Variants in SLC24A3 observed in about 807,000 individuals in gnomAD.
The protein encoded by SLC24A3 is sodium/potassium/calcium exchanger 3.
In SLC24A3, 28 loss-of-function variants were observed where a neutral mutation model predicts 75.8. That is an observed-to-expected ratio of 0.37 (90% CI 0.27 to 0.51). SLC24A3 has a LOEUF of 0.51. SLC24A3 is among the 20% of genes least tolerant of loss of function. The probability of loss-of-function intolerance (pLI) is 0.94; values close to 1 mark genes in which losing one functional copy is unlikely to be tolerated. For synonymous variants in SLC24A3, 372 were observed against 334.1 expected (o/e 1.11, Z -1.24); for missense variants, 663 against 847.8 (o/e 0.78, Z 2.71).
intron 3 of SLC24A3, among the ~76,000 whole-genome samples, chr20:19,565,404 G>A (rs6136777): frequency 2.5e-4 from 19 of 76,474 alleles, no homozygotes; most frequent in Non-Finnish European, 4.2e-4. Flanking sequence ...TTGTGTTCTC[G>A]GGGGGTGGGG....
At chr20:19,707,558 C>A (rs2032943917) in intron 15 of SLC24A3, among the ~76,000 whole-genome samples, 1 of 152,180 alleles carries the variant, frequency 6.6e-6, no homozygotes. Context: ...ACACTGGATG[C>A]TCTTTCTAAA....
In SLC24A3 at chr20:19,569,847, A is replaced by G. The variant is rs142339910; in HGVS notation, c.349-10153A>G. Among the ~76,000 whole-genome samples the G allele has an allele frequency of 6.9e-4, 105 of 152,248 alleles. 1 individual carries two copies. In the East Asian group the frequency reaches 0.02, roughly 29 times the overall value. On this transcript the variant is annotated intron_variant, in intron 3 of 16. Transcript: ENST00000328041. Reference sequence around the variant, plus strand: ...TTATTAGGCTCTGGGGGTCTCCACCATCTTTGCTGGTTCCCCTAACCCTGA... The same window carrying G: ...TTATTAGGCTCTGGGGGTCTCCACCGTCTTTGCTGGTTCCCCTAACCCTGA...
At chr20:19,368,966 A>G (rs1801985093) in intron 2 of SLC24A3, among the ~76,000 whole-genome samples, 1 of 152,232 alleles carries the variant, frequency 6.6e-6, no homozygotes, top group Non-Finnish European at 1.5e-5. Context: ...TGAATGAATG[A>G]ACAAGATGAG....
chr20:19,691,876 G>T (rs560239767), intron 12 of SLC24A3, among the ~76,000 whole-genome samples: 2 of 152,156 alleles, frequency 1.3e-5, no homozygotes, highest in Non-Finnish European at 2.9e-5. Context: ...AAACTGAGGT[G>T]TAGAGAGTTT....
intron 3 of SLC24A3, among the ~76,000 whole-genome samples, chr20:19,538,320 A>T (rs1200272608): frequency 6.6e-6 from 1 of 152,218 alleles, no homozygotes; most frequent in Non-Finnish European, 1.5e-5. Context: ...ACAGACCAGG[A>T]TGGAAGCTGG....
chr20:19,248,389 A>C (rs1263606788), intron 1 of SLC24A3, among the ~76,000 whole-genome samples: 1 of 152,256 alleles, frequency 6.6e-6, no homozygotes, highest in Non-Finnish European at 1.5e-5. Flanking sequence ...ATGGTTTTGT[A>C]AACTTTAACA....
At position 19,328,798 on chromosome 20, in the gene SLC24A3, G is replaced by T. The variant is rs142382026; in HGVS notation, c.271+47711G>T. On this transcript the variant is annotated intron_variant, in intron 2 of 16. Transcript: ENST00000328041. ...GCAGGTCAAGGCTGGAGATACCAAG[G>T]GGGGACTGGGAGGAAGACAGAAGCT... Among the ~76,000 whole-genome samples, 676 of 152,292 alleles carry T rather than the reference G, an allele frequency of 4.4e-3. 4 individuals carry two copies. Among genetic ancestry groups the T allele is most frequent in the African/African-American group, 0.016 (652 of 41,536 alleles).
intron 2 of SLC24A3, among the ~76,000 whole-genome samples, chr20:19,512,272 T>G (rs2029898277): frequency 6.6e-6 from 1 of 152,138 alleles, no homozygotes; most frequent in Non-Finnish European, 1.5e-5. Flanking sequence ...TTGCTGAGCC[T>G]CCAAGGAAGG....
At chr20:19,364,638 A>T (rs1310791791) in intron 2 of SLC24A3, among the ~76,000 whole-genome samples, 1 of 152,036 alleles carries the variant, frequency 6.6e-6, no homozygotes, top group Non-Finnish European at 1.5e-5. Context: ...TATTTTTTGT[A>T]GACGTGGGGT....
intron 1 of SLC24A3, among the ~76,000 whole-genome samples, chr20:19,270,823 A>G (rs1210482712): frequency 6.6e-6 from 1 of 151,988 alleles, no homozygotes; most frequent in East Asian, 1.9e-4. Flanking sequence ...AGAGAGAGAG[A>G]GATACTAGAA....
intron 6 of SLC24A3, among the ~76,000 whole-genome samples, chr20:19,587,532 G>A (rs1214804547): frequency 6.6e-6 from 1 of 152,218 alleles, no homozygotes; most frequent in African/African-American, 2.4e-5. Flanking sequence ...GACTCTGGAT[G>A]CCAACCTTTC....
At chr20:19,273,277 A>G (rs1439065997) in intron 1 of SLC24A3, among the ~76,000 whole-genome samples, 1 of 152,172 alleles carries the variant, frequency 6.6e-6, no homozygotes, top group African/African-American at 2.4e-5. Flanking sequence ...GGAAGTAGAG[A>G]AAGAGCCAGG....
At chr20:19,400,157 G>T (rs1210109498) in intron 2 of SLC24A3, among the ~76,000 whole-genome samples, 2 of 152,094 alleles carry the variant, frequency 1.3e-5, no homozygotes, top group African/African-American at 4.8e-5. Flanking sequence ...TATGGGTCCT[G>T]TTTTTCTACT....
At chr20:19,625,112 T>G (rs1200547002) in intron 6 of SLC24A3, among the ~76,000 whole-genome samples, 1 of 152,190 alleles carries the variant, frequency 6.6e-6, no homozygotes, top group Non-Finnish European at 1.5e-5. Context: ...CAAGCCCTTT[T>G]AAAACCTAGG....
intron 7 of SLC24A3, among the ~76,000 whole-genome samples, chr20:19,663,342 C>T (rs930784633): frequency 7.2e-6 from 1 of 138,996 alleles, no homozygotes; most frequent in Admixed American, 7.5e-5. Context: ...GAAGGATAAA[C>T]CCGAATGATA....
chr20:19,382,923 CTG>C (rs1986206829), intron 2 of SLC24A3, among the ~76,000 whole-genome samples: 1 of 152,148 alleles, frequency 6.6e-6, no homozygotes, highest in East Asian at 1.9e-4. Context: ...GCATTCAACT[CTG>C]TACAATTACC....
At chr20:19,510,072 T>C (rs1176799761) in intron 2 of SLC24A3, among the ~76,000 whole-genome samples, 1 of 152,242 alleles carries the variant, frequency 6.6e-6, no homozygotes, top group African/African-American at 2.4e-5. Context: ...ACGTAGGAGC[T>C]GACAAAGATC....
At chr20:19,346,660 G>A (rs1238862318) in intron 2 of SLC24A3, among the ~76,000 whole-genome samples, 4 of 152,040 alleles carry the variant, frequency 2.6e-5, no homozygotes, top group Non-Finnish European at 5.9e-5. Flanking sequence ...AAAGGCATAA[G>A]AATGATACAT....
intron 3 of SLC24A3, among the ~76,000 whole-genome samples, chr20:19,567,739 T>C (rs1187409465): frequency 2.0e-5 from 3 of 152,144 alleles, no homozygotes; most frequent in Admixed American, 1.3e-4. Flanking sequence ...AAAATAGATA[T>C]ATTGACCATC....
Sources: gnomAD v4.1 joint callset for allele counts (sites outside exome capture counted in the v4.1 genomes callset) on GRCh38, gnomAD v4.1.1 for gene constraint, MANE v1.5 for transcripts, NCBI Gene and HGNC (gene_info 2026-07-23, HGNC 2026-07-21) for gene names.